Variants in STOX1 observed in about 807,000 individuals in gnomAD.
STOX1 encodes storkhead box 1, also known as storkhead-box protein 1.
Under a neutral mutation model 74.8 loss-of-function variants are expected in STOX1, and 57 were observed. The observed-to-expected ratio is 0.76, with a 90% CI of 0.62 to 0.95. STOX1 has a LOEUF of 0.95. Among genes scored for constraint, STOX1 ranks in the 40% least tolerant of loss-of-function variants. The probability of loss-of-function intolerance (pLI) is 0.00; values close to 1 mark genes in which losing one functional copy is unlikely to be tolerated. For synonymous variants in STOX1, 375 were observed against 401.3 expected, an observed-to-expected ratio of 0.93 and a Z score of 0.78; for missense variants, 1,010 against 1,117.0, an observed-to-expected ratio of 0.90 and a Z score of 1.37.
At chr10:68,892,033 C>T (rs770198050) in intron 3 of STOX1, among the ~76,000 whole-genome samples, 2 of 151,920 alleles carry the variant, frequency 1.3e-5, no homozygotes, top group Non-Finnish European at 2.9e-5. Flanking sequence ...GTTGTCCAGG[C>T]TAGTCTCAAA....
At position 68,885,478 on chromosome 10, in the gene STOX1, C is replaced by A. The variant is rs1840922471; in HGVS notation, c.1682C>A (p.Ala561Glu). 1.2e-6 allele frequency: 2 copies of A among 1,614,014 alleles called. No individual in the cohort carries two copies. Among genetic ancestry groups the A allele is most frequent in the African/African-American group, 1.3e-5 (1 of 74,884 alleles). The change falls in exon 3 of 4, where the codon GCA becomes GAA. Residue 561 changes from alanine (A) to glutamate (E), a missense_variant. Coordinates refer to ENST00000298596, the MANE Select transcript of STOX1 (RefSeq NM_152709.5). ...YAEQPNDKMEAESIYINDPTV... is the reference protein window; with the variant it reads ...YAEQPNDKMEEESIYINDPTV... The stretch of plus-strand genomic sequence containing the variant: ...GAACAACCTAATGATAAAATGGAAG[C>A]AGAATCCATTTACATAAATGACCCT...
chr10:68,866,948 T>TTTTG (rs1380184926), intron 1 of STOX1, among the ~76,000 whole-genome samples: 1 of 149,810 alleles, frequency 6.7e-6, no homozygotes, highest in East Asian at 1.9e-4. Context: ...TTTCCTTGTT[T>TTTTG]TTTTTTTTTT....
At chr10:68,895,389 A>G (rs1841172930), downstream of STOX1, 1 of 152,244 alleles carries the variant, frequency 6.6e-6, no homozygotes, top group Non-Finnish European at 1.5e-5. Flanking sequence ...TATGAAACTC[A>G]TCATATAACA....
At position 68,886,491 on chromosome 10, in the gene STOX1, C is replaced by T; in HGVS notation, c.2695C>T (p.Gln899Ter). 1 of 1,613,982 alleles carries T rather than the reference C, an allele frequency of 6.2e-7. No individual in the cohort carries two copies. Among genetic ancestry groups the T allele is most frequent in the Non-Finnish European group, 8.5e-7 (1 of 1,179,950 alleles). The change falls in exon 3 of 4, where the codon CAA (glutamine) becomes TAA (stop). Residue 899 changes from glutamine (Q) to a stop codon, truncating the protein, a stop_gained. Coordinates refer to ENST00000298596, the MANE Select transcript of STOX1 (RefSeq NM_152709.5). LOFTEE classifies it high-confidence loss of function. Reference sequence around the variant, plus strand: ...TCAGGAAATGAGAAAACATTTCCCACAAAAGTTCCAACTTTTCAACACTTC... The same window carrying T: ...TCAGGAAATGAGAAAACATTTCCCATAAAAGTTCCAACTTTTCAACACTTC... ...QNQEMRKHFPQKFQLFNTSHM... is the reference protein window; with the variant it reads ...QNQEMRKHFP
intron 1 of STOX1, among the ~76,000 whole-genome samples, chr10:68,865,782 T>A (rs939907679): frequency 3.3e-5 from 5 of 151,826 alleles, no homozygotes; most frequent in Admixed American, 3.3e-4. Context: ...ATTTACCTGA[T>A]TTTTTCTTAA....
At chr10:68,869,554 G>T (rs1453366986) in intron 1 of STOX1, among the ~76,000 whole-genome samples, 1 of 152,256 alleles carries the variant, frequency 6.6e-6, no homozygotes, top group South Asian at 2.1e-4. Flanking sequence ...GAAGAGTGCT[G>T]TAGGTGGGGG....
chr10:68,828,688 C>G (rs1225237096), intron 1 of STOX1, among the ~76,000 whole-genome samples: 1 of 152,080 alleles, frequency 6.6e-6, no homozygotes, highest in East Asian at 1.9e-4. Flanking sequence ...TATCTGGCAG[C>G]TTTATTATTA....
Position 68,884,287 on chromosome 10 carries a change from T to C in STOX1, c.491T>C (p.Leu164Pro). 4.3e-6 allele frequency: 7 copies of C among 1,614,178 alleles called. No individual in the cohort carries two copies. Among genetic ancestry groups the C allele is most frequent in the Non-Finnish European group, 5.9e-6 (7 of 1,180,036 alleles). ...PGIAIPSEDILYTTLGTLIKE... is the reference protein window; with the variant it reads ...PGIAIPSEDIPYTTLGTLIKE... Reference sequence around the variant, plus strand: ...ATTGCAATTCCATCGGAAGATATTCTTTATACCACTCTGGGAACGCTGATT... The same window carrying C: ...ATTGCAATTCCATCGGAAGATATTCCTTATACCACTCTGGGAACGCTGATT... The change falls in exon 3 of 4, where the codon CTT becomes CCT. Residue 164 changes from leucine to proline, a missense_variant. Leu to Pro is a moderately conservative substitution (Grantham distance 98). Coordinates refer to ENST00000298596, the MANE Select transcript of STOX1 (RefSeq NM_152709.5).
In STOX1 at chr10:68,882,047, A is replaced by T. The variant is rs1333272992; in HGVS notation, c.400A>T (p.Asn134Tyr). The T allele has an allele frequency of 6.2e-7, 1 of 1,613,682 alleles. No individual in the cohort carries two copies. Among genetic ancestry groups the T allele is most frequent in the East Asian group, 2.2e-5 (1 of 44,804 alleles). ...TCTTTGCTGTGCTATATCTGATATG[A>T]ATACAGCTCAGATTGTAGTAACGCA... The part of the protein sequence containing the change: ...EVLCCAISDM[N>Y]TAQIVVTQES... Residue 134 changes from asparagine to tyrosine, a missense_variant, in exon 2 of 4, where the codon AAT becomes TAT. Coordinates refer to ENST00000298596, the MANE Select transcript of STOX1 (RefSeq NM_152709.5).
intron 1 of STOX1, among the ~76,000 whole-genome samples, chr10:68,831,476 C>T (rs1384449664): frequency 2.0e-5 from 3 of 152,248 alleles, no homozygotes; most frequent in Non-Finnish European, 2.9e-5. Context: ...TGAGCCACTG[C>T]GCCTGGCTAG....
chr10:68,871,548 G>A (rs1438019964), intron 1 of STOX1, among the ~76,000 whole-genome samples: 1 of 152,214 alleles, frequency 6.6e-6, no homozygotes, highest in Non-Finnish European at 1.5e-5. Context: ...ATTTGTCTAG[G>A]AGTTAAAAAT....
chr10:68,883,758 C>CTTTTTTT (rs71028801), intron 2 of STOX1, among the ~76,000 whole-genome samples: 16 of 85,500 alleles, frequency 1.9e-4, no homozygotes, highest in East Asian at 5.8e-4. Flanking sequence ...GCTTCTTTGG[C>CTTTTTTT]TTTTTTTTTT....
chr10:68,841,911 C>G (rs1191246041), intron 1 of STOX1, among the ~76,000 whole-genome samples: 1 of 152,168 alleles, frequency 6.6e-6, no homozygotes, highest in Non-Finnish European at 1.5e-5. Context: ...CCCATGAGCC[C>G]AGGGCCCACC....
intron 1 of STOX1, among the ~76,000 whole-genome samples, chr10:68,857,750 GC>G (rs981897848): frequency 6.6e-6 from 1 of 152,100 alleles, no homozygotes; most frequent in African/African-American, 2.4e-5. Flanking sequence ...AATTGGCTTT[GC>G]CCCCTAAATT....
At chr10:68,855,967 T>C (rs1228932318) in intron 1 of STOX1, among the ~76,000 whole-genome samples, 1 of 152,032 alleles carries the variant, frequency 6.6e-6, no homozygotes, top group Non-Finnish European at 1.5e-5. Flanking sequence ...GTGGACCGTA[T>C]GTGAGCTGGG....
At chr10:68,837,536 T>C (rs552367873) in intron 1 of STOX1, among the ~76,000 whole-genome samples, 3 of 152,376 alleles carry the variant, frequency 2.0e-5, no homozygotes, top group Admixed American at 1.3e-4. Flanking sequence ...CCTGTTTACA[T>C]GATATACATG....
At chr10:68,845,760 C>A (rs1839827213) in intron 1 of STOX1, among the ~76,000 whole-genome samples, 1 of 151,742 alleles carries the variant, frequency 6.6e-6, no homozygotes, top group Non-Finnish European at 1.5e-5. Context: ...TGCCACCACG[C>A]CTGGCTAATT....
At chr10:68,842,050 C>T (rs1014681428) in intron 1 of STOX1, among the ~76,000 whole-genome samples, 7 of 152,110 alleles carry the variant, frequency 4.6e-5, no homozygotes, top group Non-Finnish European at 7.3e-5. Flanking sequence ...ACATGAAGTC[C>T]GGGCCATCTG....
intron 1 of STOX1, among the ~76,000 whole-genome samples, chr10:68,832,368 T>C (rs1372243438): frequency 6.6e-6 from 1 of 152,208 alleles, no homozygotes; most frequent in Non-Finnish European, 1.5e-5. Context: ...TTTCATCTTT[T>C]CTCACTGAAT....
Sources: allele counts gnomAD v4.1 joint callset (sites outside exome capture counted in the v4.1 genomes callset), GRCh38; gene constraint gnomAD v4.1.1; transcripts MANE v1.5; gene names NCBI Gene and HGNC (gene_info 2026-07-23, HGNC 2026-07-21).